The following SUGCT variants were observed in gnomAD, a reference collection of about 807,000 sequenced individuals.
SUGCT encodes succinyl-CoA:glutarate-CoA transferase, also known as succinyl-CoA:glutarate CoA-transferase.
A neutral mutation model predicts 55.0 loss-of-function variants in SUGCT; 41 were observed. The ratio of observed to expected loss-of-function variants is 0.74; its 90% CI spans 0.58 to 0.97. The LOEUF is 0.97. Among genes scored for constraint, SUGCT ranks in the 50% least tolerant of loss-of-function variants. The pLI is 0.00. For missense variants in SUGCT, 568 were observed against 547.8 expected (o/e 1.04, Z -0.37); for synonymous variants, 187 against 200.4 (o/e 0.93, Z 0.56).
chr7:40,309,681 A>G (rs1426732473), intron 8 of SUGCT, among the ~76,000 whole-genome samples: 5 of 152,156 alleles, frequency 3.3e-5, no homozygotes, highest in African/African-American at 7.2e-5. Flanking sequence ...TAAAACTCCT[A>G]TTCTATTTAT....
chr7:40,334,350 A>C (rs1009739065), intron 9 of SUGCT, among the ~76,000 whole-genome samples: 8 of 152,178 alleles, frequency 5.3e-5, no homozygotes, highest in African/African-American at 1.9e-4. Context: ...TGGTTGAACT[A>C]GTTTACAATC....
Position 40,538,061 on chromosome 7 carries a change from T to A in SUGCT, c.1089+41675T>A, listed in dbSNP as rs1011675855. The stretch of plus-strand genomic sequence containing the variant: ...TCTGTTATATCCTCATTTGCATTCA[T>A]CTGTAGGTGAGCAATTAACATTATT... On this transcript the variant is annotated intron_variant, in intron 12 of 13. Coordinates refer to ENST00000335693, the MANE Select transcript of SUGCT (RefSeq NM_001193313.2). 5 of 152,204 alleles carry A rather than the reference T, an allele frequency of 3.3e-5. No individual in the cohort carries two copies. In the East Asian group the frequency reaches 9.6e-4, roughly 29 times the overall value. The allele number at this position is 152,204 out of a possible 1,614,324, so 9.4% of individuals were successfully genotyped here.
At chr7:40,579,461 G>T (rs1562875880) in intron 12 of SUGCT, among the ~76,000 whole-genome samples, 1 of 152,130 alleles carries the variant, frequency 6.6e-6, no homozygotes, top group Non-Finnish European at 1.5e-5. Context: ...GAATCCCCCT[G>T]GTGGTCCAAG....
At chr7:40,447,817 G>T (rs1788931504) in intron 9 of SUGCT, among the ~76,000 whole-genome samples, 1 of 152,004 alleles carries the variant, frequency 6.6e-6, no homozygotes, top group Non-Finnish European at 1.5e-5. Context: ...AAAGGGAGGA[G>T]GAAGTGAAGA....
chr7:40,140,808 T>C (rs930583913), intron 1 of SUGCT, among the ~76,000 whole-genome samples: 2 of 152,230 alleles, frequency 1.3e-5, no homozygotes, highest in Non-Finnish European at 2.9e-5. Flanking sequence ...TTGTTCTTTT[T>C]ACTTGGGATA....
the SUGCT span, among the ~76,000 whole-genome samples, chr7:40,922,577 T>G: frequency 6.6e-6 from 1 of 152,208 alleles, no homozygotes; most frequent in Non-Finnish European, 1.5e-5. Flanking sequence ...AACACAAGGT[T>G]TCTTTACTGA....
the SUGCT span, among the ~76,000 whole-genome samples, chr7:40,980,934 G>C: frequency 6.6e-6 from 1 of 152,208 alleles, no homozygotes; most frequent in African/African-American, 2.4e-5. Flanking sequence ...TTGAGCTCAA[G>C]TGATCCACCT....
chr7:40,644,245 C>G (rs776006981), intron 12 of SUGCT, among the ~76,000 whole-genome samples: 3 of 152,236 alleles, frequency 2.0e-5, no homozygotes, highest in Admixed American at 2.0e-4. Flanking sequence ...CCCCATATAG[C>G]GAACACCCTG....
intron 12 of SUGCT, among the ~76,000 whole-genome samples, chr7:40,616,064 C>G (rs1798988008): frequency 6.6e-6 from 1 of 152,148 alleles, no homozygotes; most frequent in Admixed American, 6.5e-5. Flanking sequence ...TGAAAAATAG[C>G]ATAAATATAT....
intron 7 of SUGCT, among the ~76,000 whole-genome samples, chr7:40,262,112 T>C (rs1226485681): frequency 6.6e-6 from 1 of 152,166 alleles, no homozygotes; most frequent in African/African-American, 2.4e-5. Flanking sequence ...AAGAAAATAG[T>C]GTGATCGAAG....
At chr7:40,313,616 T>G (rs954139839) in intron 8 of SUGCT, among the ~76,000 whole-genome samples, 1 of 145,502 alleles carries the variant, frequency 6.9e-6, no homozygotes, top group Admixed American at 6.8e-5. Context: ...CACACTTTGG[T>G]TTTTTTGTTT....
chr7:40,505,559 G>A (rs1792544125), intron 12 of SUGCT, among the ~76,000 whole-genome samples: 1 of 151,920 alleles, frequency 6.6e-6, no homozygotes, highest in South Asian at 2.1e-4. Flanking sequence ...CTTGTAATAT[G>A]CATCTCAATT....
intron 9 of SUGCT, among the ~76,000 whole-genome samples, chr7:40,446,559 A>G (rs1452397021): frequency 6.6e-6 from 1 of 152,206 alleles, no homozygotes; most frequent in African/African-American, 2.4e-5. Flanking sequence ...TTTATGTGAT[A>G]TCTCCTTAAT....
intron 13 of SUGCT, among the ~76,000 whole-genome samples, chr7:40,834,565 A>G (rs1003219920): frequency 3.9e-5 from 6 of 152,186 alleles, no homozygotes; most frequent in Admixed American, 3.9e-4. Context: ...TTTAGTCTGT[A>G]AAAGTAGATG....
intron 9 of SUGCT, among the ~76,000 whole-genome samples, chr7:40,338,173 C>T (rs1438233435): frequency 2.0e-5 from 3 of 152,120 alleles, no homozygotes; most frequent in African/African-American, 7.2e-5. Flanking sequence ...TCTCTGGCTG[C>T]CCTTAACATT....
intron 13 of SUGCT, among the ~76,000 whole-genome samples, chr7:40,825,090 T>C (rs1390744328): frequency 1.3e-5 from 2 of 152,118 alleles, no homozygotes; most frequent in Non-Finnish European, 2.9e-5. Flanking sequence ...GGAAGAGAGA[T>C]GTTAAAGGTT....
At chr7:40,470,828 T>G (rs1258975507) in intron 11 of SUGCT, among the ~76,000 whole-genome samples, 1 of 151,970 alleles carries the variant, frequency 6.6e-6, no homozygotes, top group Non-Finnish European at 1.5e-5. Flanking sequence ...GTACACAACT[T>G]AAATCTCTAA....
chr7:40,342,641 C>T (rs995093247), intron 9 of SUGCT, among the ~76,000 whole-genome samples: 1 of 78,202 alleles, frequency 1.3e-5, no homozygotes, highest in East Asian at 4.5e-4. Context: ...AATTTCTAAA[C>T]GTGTACTTTT....
intron 13 of SUGCT, among the ~76,000 whole-genome samples, chr7:40,770,745 A>G (rs1789056664): frequency 6.6e-6 from 1 of 152,168 alleles, no homozygotes; most frequent in South Asian, 2.1e-4. Context: ...CTGTCACATC[A>G]TCATTTAACT....
Sources: gnomAD v4.1 joint callset for allele counts (sites outside exome capture counted in the v4.1 genomes callset) on GRCh38, gnomAD v4.1.1 for gene constraint, MANE v1.5 for transcripts, NCBI Gene and HGNC (gene_info 2026-07-23, HGNC 2026-07-21) for gene names.